ME3: variants seen among roughly 807,000 people sequenced by gnomAD.
The protein encoded by ME3 is NADP-dependent malic enzyme, mitochondrial.
Under a neutral mutation model 68.9 loss-of-function variants are expected in ME3, and 48 were observed. The ratio of observed to expected loss-of-function variants is 0.70; its 90% CI spans 0.55 to 0.89. The LOEUF is 0.89. ME3 is among the 40% of genes least tolerant of loss of function. The pLI is 0.00. For missense variants in ME3, 675 were observed against 797.4 expected (o/e 0.85, Z 1.85); for synonymous variants, 320 against 318.8 (o/e 1.00, Z -0.04).
chr11:86,492,411 A>G (rs1952060465), intron 6 of ME3, among the ~76,000 whole-genome samples: 1 of 152,242 alleles, frequency 6.6e-6, no homozygotes, highest in Non-Finnish European at 1.5e-5. Context: ...GAAAGAATAA[A>G]TGAGCTGCCC....
Position 86,508,885 on chromosome 11 carries a change from C to T in ME3, c.468-18G>A, listed in dbSNP as rs763377640. The T allele has an allele frequency of 1.7e-5, 27 of 1,595,080 alleles. No homozygotes were observed. The African/African-American group carries it at 1.9e-4, about 11-fold the overall frequency. On this transcript the variant is annotated intron_variant, in intron 4 of 14. Coordinates refer to ENST00000543262, the Ensembl canonical transcript of ME3. The stretch of plus-strand genomic sequence containing the variant: ...ACAGTCCACTAAAAGAAATAAAACA[C>T]GTACACACAGAGAAACCAGGCAGTC...
At chr11:86,548,754 G>A (rs1956502914) in intron 4 of ME3, among the ~76,000 whole-genome samples, 1 of 152,172 alleles carries the variant, frequency 6.6e-6, no homozygotes, top group Non-Finnish European at 1.5e-5. Context: ...CTTTATAGAT[G>A]AGGAAAGTGA....
chr11:86,557,932 C>G (rs1402818592), intron 3 of ME3, among the ~76,000 whole-genome samples: 1 of 152,084 alleles, frequency 6.6e-6, no homozygotes, highest in Non-Finnish European at 1.5e-5. Flanking sequence ...AAAGATTTAC[C>G]AGCACACCAC....
At chr11:86,547,986 T>A (rs1171848682) in intron 4 of ME3, among the ~76,000 whole-genome samples, 1 of 152,220 alleles carries the variant, frequency 6.6e-6, no homozygotes, top group Non-Finnish European at 1.5e-5. Context: ...CTGTTCTAGT[T>A]AATAAAGTTC....
intron 4 of ME3, among the ~76,000 whole-genome samples, chr11:86,547,254 A>G (rs1369659180): frequency 2.6e-5 from 4 of 151,496 alleles, no homozygotes; most frequent in South Asian, 2.1e-4. Context: ...AAAAAAAAAA[A>G]AAAAAAGAAA....
chr11:86,494,520 G>A (rs1004485128), intron 6 of ME3, among the ~76,000 whole-genome samples: 1 of 152,062 alleles, frequency 6.6e-6, no homozygotes, highest in African/African-American at 2.4e-5. Flanking sequence ...CTCACCCCCG[G>A]GGCACATAGG....
chr11:86,467,175 A>T (rs1486153639), intron 7 of ME3, among the ~76,000 whole-genome samples: 1 of 152,252 alleles, frequency 6.6e-6, no homozygotes, highest in Non-Finnish European at 1.5e-5. Context: ...TGTGTGTGGT[A>T]AGAAAACTCA....
intron 6 of ME3, among the ~76,000 whole-genome samples, chr11:86,489,828 T>C (rs1487113078): frequency 1.3e-5 from 2 of 152,158 alleles, no homozygotes; most frequent in African/African-American, 4.8e-5. Flanking sequence ...CCCTTTATTC[T>C]TCACAGGTGT....
chr11:86,532,408 A>G (rs775157170), intron 4 of ME3, among the ~76,000 whole-genome samples: 1 of 152,232 alleles, frequency 6.6e-6, no homozygotes, highest in Non-Finnish European at 1.5e-5. Context: ...ACTGCAACAG[A>G]ATACACATTC....
intron 2 of ME3, among the ~76,000 whole-genome samples, chr11:86,595,782 G>A (rs1326461309): frequency 1.3e-5 from 2 of 152,248 alleles, no homozygotes; most frequent in Admixed American, 1.3e-4. Context: ...GGCTGGCACA[G>A]GGTGCAGTGC....
At position 86,498,129 on chromosome 11, in the gene ME3, A is replaced by G. The variant is rs750127812; in HGVS notation, c.544-5T>C. 2 of 1,608,032 alleles carry G rather than the reference A, an allele frequency of 1.2e-6. No individual in the cohort carries two copies. The highest frequency in any genetic ancestry group is 1.7e-6 in the Non-Finnish European group (2 of 1,177,478). Reference sequence around the variant, plus strand: ...CCCATCAGTCACCACCACGGCCTGAAAAACAGCAGGGCACCATCAATCAGG... The same window carrying G: ...CCCATCAGTCACCACCACGGCCTGAGAAACAGCAGGGCACCATCAATCAGG... On this transcript the variant is annotated splice_polypyrimidine_tract_variant and splice_region_variant and intron_variant, in intron 5 of 14. Coordinates refer to ENST00000543262, the Ensembl canonical transcript of ME3.
At chr11:86,529,459 A>G (rs1287751727) in intron 4 of ME3, among the ~76,000 whole-genome samples, 2 of 152,200 alleles carry the variant, frequency 1.3e-5, no homozygotes, top group East Asian at 1.9e-4. Flanking sequence ...TCCTTCTGAA[A>G]CTATTCCAAT....
rs550402771 is a variant in ME3 at position 86,546,213 on chromosome 11, T to C, written c.467+10340A>G. 7.9e-4 allele frequency among the ~76,000 whole-genome samples: 121 copies of C among 152,290 alleles called. 1 individual carries two copies. Among genetic ancestry groups the C allele is most frequent in the African/African-American group, 2.7e-3 (114 of 41,564 alleles). Reference sequence around the variant, plus strand: ...GTAAGACCTAAAACCATAAAAACCCTAGAAGAAAACCTAAGCAATACCATT... The same window carrying C: ...GTAAGACCTAAAACCATAAAAACCCCAGAAGAAAACCTAAGCAATACCATT... On this transcript the variant is annotated intron_variant, in intron 4 of 14. Transcript: ENST00000543262.
At chr11:86,475,039 T>C (rs1193878358) in intron 7 of ME3, among the ~76,000 whole-genome samples, 2 of 152,260 alleles carry the variant, frequency 1.3e-5, no homozygotes, top group Non-Finnish European at 2.9e-5. Flanking sequence ...GTGTCCATGT[T>C]ATAATCACAG....
chr11:86,560,357 T>A (rs1957146341), intron 2 of ME3, among the ~76,000 whole-genome samples: 1 of 152,170 alleles, frequency 6.6e-6, no homozygotes, highest in Non-Finnish European at 1.5e-5. Flanking sequence ...CTTCACCTTC[T>A]ACTATGATTG....
At chr11:86,590,873 G>A (rs1490649720) in intron 2 of ME3, among the ~76,000 whole-genome samples, 3 of 152,214 alleles carry the variant, frequency 2.0e-5, no homozygotes, top group Non-Finnish European at 4.4e-5. Context: ...AGCACTATGA[G>A]GCAGTAATAA....
exon 10 of ME3, chr11:86,449,916 C>G: frequency 6.2e-7 from 1 of 1,613,926 alleles, no homozygotes; most frequent in Non-Finnish European, 8.5e-7. Flanking sequence ...TAGAGTCCAC[C>G]ATCCAGATCT....
At chr11:86,647,212 A>G (rs1945077052) in intron 2 of ME3, among the ~76,000 whole-genome samples, 2 of 152,210 alleles carry the variant, frequency 1.3e-5, no homozygotes, top group Admixed American at 1.3e-4. Flanking sequence ...TATTAACCTT[A>G]AATGTAAATG....
At position 86,659,184 on chromosome 11, in the gene ME3, C is replaced by G. The variant is rs138370723; in HGVS notation, c.183+12578G>C. 8.8e-3 allele frequency among the ~76,000 whole-genome samples: 1,335 copies of G among 152,316 alleles called. 27 individuals carry two copies. The highest frequency in any genetic ancestry group is 0.03 in the African/African-American group (1,248 of 41,564). ...GGACACACAGGAGCGACAGCAGGAG[C>G]TACCTCAACAGATGCTTAGGTTTGC... On this transcript the variant is annotated intron_variant, in intron 2 of 14. Coordinates refer to ENST00000543262, the Ensembl canonical transcript of ME3.
Sources: allele counts gnomAD v4.1 joint callset (sites outside exome capture counted in the v4.1 genomes callset), GRCh38; gene constraint gnomAD v4.1.1; transcripts MANE v1.5; gene names NCBI Gene and HGNC (gene_info 2026-07-23, HGNC 2026-07-21).